Variants in VPS13B observed in about 807,000 individuals in gnomAD.
The protein encoded by VPS13B is vacuolar protein sorting 13 homolog B.
A neutral mutation model predicts 426.4 loss-of-function variants in VPS13B; 285 were observed. The observed-to-expected ratio is 0.67, with a 90% CI of 0.61 to 0.74. The LOEUF (loss-of-function observed/expected upper bound fraction) is 0.74, where lower values mean the gene tolerates loss of function less well. VPS13B is among the 30% of genes least tolerant of loss of function. The pLI, the probability that VPS13B is intolerant of heterozygous loss-of-function variation, is 0.00. For synonymous variants in VPS13B, 1,676 were observed against 1,676.4 expected, an observed-to-expected ratio of 1.00 and a Z score of 0.01; for missense variants, 4,537 against 4,782.6, an observed-to-expected ratio of 0.95 and a Z score of 1.51.
At chr8:99,028,404 C>T (rs1842262509) in intron 2 of VPS13B, among the ~76,000 whole-genome samples, 2 of 146,452 alleles carry the variant, frequency 1.4e-5, no homozygotes, top group African/African-American at 5.1e-5. Context: ...ACCCCCCCCA[C>T]CTCCCTCCCG....
chr8:99,750,791 T>G (rs1256816806), intron 39 of VPS13B, among the ~76,000 whole-genome samples: 2 of 152,172 alleles, frequency 1.3e-5, no homozygotes, highest in African/African-American at 2.4e-5. Context: ...TGGGGTGTTT[T>G]GGGAATTCAG....
chr8:99,115,707 C>A lies in VPS13B; in HGVS notation c.770C>A (p.Thr257Asn). ...GTCTTTTTCAAAATGCAGATTCATA[C>A]TTTAGTGGAAAGTTTGAAACTTTCT... ...SKMPSVIKIH[T>N]LVESLKLSIT... The change falls in exon 7 of 62, where the codon ACT (threonine) becomes AAT (asparagine). Residue 257 changes from threonine to asparagine, a missense_variant. Thr to Asn is a moderately conservative substitution (Grantham distance 65, BLOSUM62 0). Transcript: ENST00000357162. 1 of 1,612,614 alleles carries A rather than the reference C, an allele frequency of 6.2e-7. No individual in the cohort carries two copies. Among genetic ancestry groups the A allele is most frequent in the Non-Finnish European group, 8.5e-7 (1 of 1,179,348 alleles).
At chr8:99,531,688 CTAAG>C (rs1037747746) in intron 30 of VPS13B, among the ~76,000 whole-genome samples, 6 of 152,034 alleles carry the variant, frequency 3.9e-5, no homozygotes, top group Non-Finnish European at 4.4e-5. Flanking sequence ...GCAAAGTTGA[CTAAG>C]TATGTTATGA....
At chr8:99,659,381 T>C (rs929598401) in intron 34 of VPS13B, among the ~76,000 whole-genome samples, 1 of 152,162 alleles carries the variant, frequency 6.6e-6, no homozygotes, top group Non-Finnish European at 1.5e-5. Context: ...CTGTCACATA[T>C]GTTACAATTT....
At chr8:99,087,150 C>G (rs1845861082) in intron 3 of VPS13B, among the ~76,000 whole-genome samples, 1 of 152,184 alleles carries the variant, frequency 6.6e-6, no homozygotes, top group Non-Finnish European at 1.5e-5. Context: ...CATGCCTCAG[C>G]AATGGCGGGC....
intron 39 of VPS13B, 98 bp from the exon 40 acceptor site, chr8:99,766,676 T>C: frequency 9.4e-7 from 1 of 1,064,816 alleles, no homozygotes; most frequent in Admixed American, 2.4e-5. Flanking sequence ...CTAAAGGTCT[T>C]AATGTTATAA....
chr8:99,129,935 G>A (rs944603379), intron 8 of VPS13B, among the ~76,000 whole-genome samples: 11 of 152,214 alleles, frequency 7.2e-5, no homozygotes, highest in African/African-American at 2.6e-4. Context: ...AGGATTGCTT[G>A]AGCCCTGGAG....
chr8:99,699,979 TTTG>T, intron 36 of VPS13B, 47 bp downstream of exon 36: 1 of 1,592,948 alleles, frequency 6.3e-7, no homozygotes, highest in Non-Finnish European at 8.6e-7. Flanking sequence ...AGTAAGATGA[TTTG>T]TTAACATCTG....
rs1196302503 is a variant in VPS13B, at chr8:99,399,475, C to T, written c.3082+7771C>T. ...TACCCATATTGTAGATGATTGTAGC[C>T]GTAGACTTCATTTCCTTAACTCTGT... On this transcript the variant is annotated intron_variant, in intron 21 of 61. Transcript: ENST00000357162. Among the ~76,000 whole-genome samples, 8 of 151,776 alleles carry T rather than the reference C, an allele frequency of 5.3e-5. No individual in the cohort carries two copies. The East Asian group carries it at 1.2e-3, about 22-fold the overall frequency.
intron 3 of VPS13B, among the ~76,000 whole-genome samples, chr8:99,071,346 T>C (rs545382280): frequency 2.0e-5 from 3 of 152,288 alleles, no homozygotes; most frequent in Admixed American, 6.5e-5. Context: ...GTGACTCTTA[T>C]AGACTTGCAG....
chr8:99,522,578 T>C (rs955623312), intron 30 of VPS13B, among the ~76,000 whole-genome samples: 1 of 152,192 alleles, frequency 6.6e-6, no homozygotes, highest in Non-Finnish European at 1.5e-5. Flanking sequence ...TTTTATTCTT[T>C]TTTTTTGCCC....
At chr8:99,429,835 A>G (rs1816992427) in intron 21 of VPS13B, among the ~76,000 whole-genome samples, 1 of 152,188 alleles carries the variant, frequency 6.6e-6, no homozygotes, top group Admixed American at 6.5e-5. Flanking sequence ...GACTATATTC[A>G]GAATCTGTTA....
intron 16 of VPS13B, among the ~76,000 whole-genome samples, chr8:99,189,163 A>T (rs1813402059): frequency 6.6e-6 from 1 of 152,072 alleles, no homozygotes. Context: ...GTTAGCCAGG[A>T]TGGTCTCGAT....
At chr8:99,438,952 T>A (rs1287099887) in intron 22 of VPS13B, among the ~76,000 whole-genome samples, 2 of 152,190 alleles carry the variant, frequency 1.3e-5, no homozygotes, top group East Asian at 3.8e-4. Flanking sequence ...GTTTGTTGAC[T>A]ATCTTTCTTT....
chr8:99,249,932 G>T (rs775600824), intron 17 of VPS13B, among the ~76,000 whole-genome samples: 40 of 152,134 alleles, frequency 2.6e-4, no homozygotes, highest in Non-Finnish European at 5.3e-4. Flanking sequence ...TGGTGGGGGA[G>T]AAACTGCCAA....
At chr8:99,411,477 G>T (rs1309051495) in intron 21 of VPS13B, among the ~76,000 whole-genome samples, 1 of 152,078 alleles carries the variant, frequency 6.6e-6, no homozygotes, top group African/African-American at 2.4e-5. Context: ...TTGTCATATG[G>T]ATAGATTGCA....
At chr8:99,597,738 A>C (rs1229463674) in intron 33 of VPS13B, among the ~76,000 whole-genome samples, 1 of 151,934 alleles carries the variant, frequency 6.6e-6, no homozygotes, top group Admixed American at 6.6e-5. Flanking sequence ...ACCAGCCCTA[A>C]CTTTAGGTTA....
intron 54 of VPS13B, among the ~76,000 whole-genome samples, chr8:99,847,400 G>A (rs1419203385): frequency 6.6e-6 from 1 of 152,218 alleles, no homozygotes; most frequent in Admixed American, 6.5e-5. Flanking sequence ...AGAAGTAGGT[G>A]TCAGTCCAGA....
chr8:99,503,891 T>C (rs775650216), intron 27 of VPS13B, among the ~76,000 whole-genome samples: 4 of 152,206 alleles, frequency 2.6e-5, no homozygotes, highest in Admixed American at 6.5e-5. Flanking sequence ...ATCATGAATG[T>C]TCTTAATGGT....
Sources: gnomAD v4.1 joint callset for allele counts (sites outside exome capture counted in the v4.1 genomes callset) on GRCh38, gnomAD v4.1.1 for gene constraint, MANE v1.5 for transcripts, NCBI Gene and HGNC (gene_info 2026-07-23, HGNC 2026-07-21) for gene names.